Variants in ASB8 observed in about 807,000 individuals in gnomAD.
ASB8 encodes ankyrin repeat and SOCS box containing 8.
Under a neutral mutation model 22.9 loss-of-function variants are expected in ASB8, and 15 were observed. That is an observed-to-expected ratio of 0.66 (90% CI 0.44 to 1.01). The LOEUF is 1.01. Among genes scored for constraint, ASB8 ranks in the 50% least tolerant of loss-of-function variants. The pLI is 0.00. For missense variants in ASB8, 294 were observed against 356.9 expected, an observed-to-expected ratio of 0.82 and a Z score of 1.42; for synonymous variants, 124 against 140.8, an observed-to-expected ratio of 0.88 and a Z score of 0.84.
At chr12:48,156,925 C>CCCT (rs1830076825) in intron 1 of ASB8, among the ~76,000 whole-genome samples, 1 of 151,704 alleles carries the variant, frequency 6.6e-6, no homozygotes, top group South Asian at 2.1e-4. Flanking sequence ...AGCCCTGTCT[C>CCCT]CCTCGTTTTC....
At position 48,153,441 on chromosome 12, in the gene ASB8, G is replaced by T. The variant is rs373639181; in HGVS notation, c.56C>A (p.Ser19Tyr). The change falls in exon 2 of 4, where the codon TCC (serine) becomes TAC (tyrosine). Residue 19 changes from serine to tyrosine, a missense_variant. Coordinates refer to ENST00000317697, the MANE Select transcript of ASB8 (RefSeq NM_024095.5). Reference sequence around the variant, plus strand: ...AGCAATTGTTCGGATTAAGCGCTCGGAGAGAGAGTATTTGCTCTGAATGCT... The same window carrying T: ...AGCAATTGTTCGGATTAAGCGCTCGTAGAGAGAGTATTTGCTCTGAATGCT... ...MQSIQSKYSL[S>Y]ERLIRTIAAI... 2 of 1,613,386 alleles carry T rather than the reference G, an allele frequency of 1.2e-6. No individual in the cohort carries two copies. The highest frequency in any genetic ancestry group is 1.7e-6 in the Non-Finnish European group (2 of 1,179,472).
At chr12:48,153,328 C>G (rs1951232911) in intron 2 of ASB8, 40 bp downstream of exon 2, 1 of 1,608,558 alleles carries the variant, frequency 6.2e-7, no homozygotes, top group African/African-American at 1.3e-5. Context: ...TTGCCCACTT[C>G]ATATCGCAAG....
intron 1 of ASB8, 114 bp downstream of exon 1, chr12:48,157,345 G>A (rs1592858659): frequency 6.6e-6 from 1 of 152,304 alleles, no homozygotes; most frequent in Non-Finnish European, 1.5e-5. Context: ...CCGGAAATAA[G>A]TCTCAGCCTC....
At chr12:48,155,742 A>AAAAAAATATAT (rs371161682) in intron 1 of ASB8, among the ~76,000 whole-genome samples, 1 of 114,954 alleles carries the variant, frequency 8.7e-6, no homozygotes, top group African/African-American at 3.4e-5. Context: ...AAAAAAAAAA[A>AAAAAAATATAT]ATATATATAT....
Position 48,149,651 on chromosome 12 carries a change from C to T in ASB8, c.582G>A (p.Leu194=). ...GQTPISRLVA[L]LVRGLGTEKE... is the part of the protein sequence containing the mutation. ...TCTCTGTTCCAAGTCCCCTGACTAG[C>T]AGAGCCACCAGGCGGGAGATGGGTG... The change falls in exon 4 of 4, where the codon CTG becomes CTA. Residue 194 remains leucine (L), a synonymous_variant. Transcript: ENST00000317697. 6.2e-7 allele frequency: 1 copy of T among 1,614,182 alleles called. No homozygotes were observed. The highest frequency in any genetic ancestry group is 2.2e-5 in the East Asian group (1 of 44,882).
At chr12:48,157,397 T>C (rs191938090) in intron 1 of ASB8, 62 bp downstream of exon 1, 66 of 152,358 alleles carry the variant, frequency 4.3e-4, no homozygotes, top group African/African-American at 1.3e-3. Context: ...GGAAGCGTTA[T>C]TGGGCGTGGT....
At chr12:48,151,988 C>T (rs1951210588) in intron 2 of ASB8, among the ~76,000 whole-genome samples, 1 of 152,026 alleles carries the variant, frequency 6.6e-6, no homozygotes, top group African/African-American at 2.4e-5. Context: ...CCGGTCTCTA[C>T]TGAAAATACA....
intron 2 of ASB8, 195 bp downstream of exon 2, chr12:48,153,173 T>C: frequency 1.7e-6 from 1 of 594,334 alleles, no homozygotes. Context: ...AAATATCAGA[T>C]ACACAAAGTG....
At position 48,151,873 on chromosome 12, in the gene ASB8, C is replaced by T. The variant is rs543541519; in HGVS notation, c.130-568G>A. 7.9e-5 allele frequency among the ~76,000 whole-genome samples: 12 copies of T among 152,218 alleles called. No homozygotes were observed. The South Asian group carries it at 1.7e-3, about 21-fold the overall frequency. ...TTCTATTCAAAATCAAAGGAGAGGCCGAGTACAGTGGCTCACACCTGTAAT... is the reference window on the plus strand; with the variant it reads ...TTCTATTCAAAATCAAAGGAGAGGCTGAGTACAGTGGCTCACACCTGTAAT... On this transcript the variant is annotated intron_variant, in intron 2 of 3. Transcript: ENST00000317697.
rs910967719 is a variant in ASB8 at position 48,149,097 on chromosome 12, G to A, written c.*269C>T. On this transcript the variant is annotated 3_prime_UTR_variant, in exon 4 of 4. Coordinates refer to ENST00000317697, the MANE Select transcript of ASB8 (RefSeq NM_024095.5). ...CACTGTTGACTCCTTCCCTAAAGGG[G>A]AGGATTGAGGGAGACCTCTTCTTTT... The A allele has an allele frequency of 4.2e-6, 2 of 477,506 alleles. No individual in the cohort carries two copies. The highest frequency in any genetic ancestry group is 7.4e-6 in the Non-Finnish European group (2 of 269,036). 29.6% of individuals were successfully genotyped at this position (477,506 alleles called of 1,614,324 possible).
At position 48,149,455 on chromosome 12, in the gene ASB8, G is replaced by A. The variant is rs541971015; in HGVS notation, c.778C>T (p.Arg260Cys). 71 of 1,614,038 alleles carry A rather than the reference G, an allele frequency of 4.4e-5. No homozygotes were observed. The East Asian group carries it at 7.1e-4, about 16-fold the overall frequency. ...LKTLARYAVR[R>C]SLGLQYLPDA... is the part of the protein sequence containing the mutation. ...GGGAGATACTGGAGTCCCAGGCTAC[G>A]GCGCACGGCATAGCGAGCGAGTGTT... Residue 260 changes from arginine to cysteine, a missense_variant, in exon 4 of 4, where the codon CGT (arginine) becomes TGT (cysteine). Physicochemically the swap from Arg to Cys is radical, Grantham distance 180. Transcript: ENST00000317697.
chr12:48,152,137 C>T (rs1450297902), intron 2 of ASB8, among the ~76,000 whole-genome samples: 1 of 137,532 alleles, frequency 7.3e-6, no homozygotes, highest in Non-Finnish European at 1.5e-5. Flanking sequence ...GGGCGACGAG[C>T]GAAACTCCGT....
At chr12:48,153,760 T>G in intron 1 of ASB8, 2 of 277,142 alleles carry the variant, frequency 7.2e-6, no homozygotes, top group Non-Finnish European at 1.4e-5. Context: ...CAAGAGGTAC[T>G]AAGACCCCCG....
intron 2 of ASB8, chr12:48,151,571 A>T: frequency 6.8e-7 from 1 of 1,476,360 alleles, no homozygotes; most frequent in Non-Finnish European, 9.0e-7. Flanking sequence ...TCACCTGGAC[A>T]TCACTGAAGA....
chr12:48,148,809 G>T lies in ASB8; in HGVS notation c.*557C>A. On this transcript the variant is annotated 3_prime_UTR_variant, in exon 4 of 4. Transcript: ENST00000317697. ...CTCCTGAGTAGCTGGGATTACAGGC[G>T]CATGCCACCATGCCCAGCTAATTTT... The T allele has an allele frequency of 6.5e-6, 1 of 154,652 alleles. No homozygotes were observed. Among genetic ancestry groups the T allele is most frequent in the Non-Finnish European group, 1.4e-5 (1 of 69,772 alleles). 9.6% of individuals were successfully genotyped at this position (154,652 alleles called of 1,614,324 possible).
intron 2 of ASB8, among the ~76,000 whole-genome samples, chr12:48,152,038 G>A (rs191520548): frequency 3.3e-5 from 5 of 152,090 alleles, no homozygotes; most frequent in Non-Finnish European, 5.9e-5. Flanking sequence ...TGTAATCCCC[G>A]CTACTCGGGA....
At chr12:48,150,065 A>C in intron 3 of ASB8, 67 bp from the exon 4 acceptor site, 1 of 1,535,182 alleles carries the variant, frequency 6.5e-7, no homozygotes, top group Non-Finnish European at 9.0e-7. Context: ...GCAGCAAAGA[A>C]GCTTGCATGG....
In ASB8 at chr12:48,149,280, T is replaced by G. The variant is rs1951154010; in HGVS notation, c.*86A>C. 1 of 1,384,118 alleles carries G rather than the reference T, an allele frequency of 7.2e-7. No homozygotes were observed. The highest frequency in any genetic ancestry group is 1.4e-5 in the African/African-American group (1 of 69,038). The allele number at this position is 1,384,118 out of a possible 1,614,324, so 85.7% of individuals were successfully genotyped here. The stretch of plus-strand genomic sequence containing the variant: ...CTATAAACCACACAACAGGAACAAC[T>G]GTTTTTCTGTTTTCTGTGACAAGGA... On this transcript the variant is annotated 3_prime_UTR_variant, in exon 4 of 4. Transcript: ENST00000317697.
rs536411363 is a variant in ASB8, at chr12:48,153,050, T to C, written c.129+318A>G. 10 of 228,884 alleles carry C rather than the reference T, an allele frequency of 4.4e-5. No homozygotes were observed. The South Asian group carries it at 6.5e-4, about 15-fold the overall frequency. 14.2% of individuals were successfully genotyped at this position (228,884 alleles called of 1,614,324 possible). On this transcript the variant is annotated intron_variant, in intron 2 of 3. Transcript: ENST00000317697. ...ACCTCTGCTTTGCTCACCTCCTCCC[T>C]TAATAAAACATGTATAGAAGACTTT...
Sources: allele counts gnomAD v4.1 joint callset (sites outside exome capture counted in the v4.1 genomes callset), GRCh38; gene constraint gnomAD v4.1.1; transcripts MANE v1.5; gene names NCBI Gene and HGNC (gene_info 2026-07-23, HGNC 2026-07-21).